The following PUM2 variants were observed in gnomAD, a reference collection of about 807,000 sequenced individuals.
PUM2 encodes pumilio RNA binding family member 2, also known as pumilio homolog 2.
A neutral mutation model predicts 124.5 loss-of-function variants in PUM2; 57 were observed. The ratio of observed to expected loss-of-function variants is 0.46; its 90% CI spans 0.37 to 0.57. The LOEUF (loss-of-function observed/expected upper bound fraction) is 0.57. PUM2 is among the 20% of genes least tolerant of loss of function. The pLI, the probability that PUM2 is intolerant of heterozygous loss-of-function variation, is 0.00. For missense variants in PUM2, 1,065 were observed against 1,290.6 expected (o/e 0.83, Z 2.68); for synonymous variants, 460 against 446.1 (o/e 1.03, Z -0.39).
Position 20,283,318 on chromosome 2 carries a change from T to C in PUM2, c.1435+25A>G, listed in dbSNP as rs1263413417. The C allele has an allele frequency of 3.1e-6, 5 of 1,612,018 alleles. No homozygotes were observed. The South Asian group carries it at 4.4e-5, about 14-fold the overall frequency. ...GTATCTCAACACCAGAAAAATATTA[T>C]CCTAAAAATGTCAGTTACACTTACC... On this transcript the variant is annotated intron_variant, in intron 11 of 20. Transcript: ENST00000361078.
chr2:20,273,649 A>T (rs1035305814), intron 13 of PUM2, among the ~76,000 whole-genome samples: 1 of 152,208 alleles, frequency 6.6e-6, no homozygotes, highest in Non-Finnish European at 1.5e-5. Context: ...CAGCAAATAA[A>T]TTACTTCTAG....
At position 20,254,877 on chromosome 2, in the gene PUM2, T is replaced by TTGAC; in HGVS notation, c.2852_2855dup (p.His953SerfsTer20). 6.2e-7 allele frequency: 1 copy of TTGAC among 1,613,340 alleles called. No homozygotes were observed. Among genetic ancestry groups the TTGAC allele is most frequent in the Non-Finnish European group, 8.5e-7 (1 of 1,179,784 alleles). The stretch of plus-strand genomic sequence containing the variant: ...TATTACAATACCTGGCAAATTTGTG[T>TTGAC]TGACTCAGGGCTAAAACCTTTCCCC... On this transcript the variant is annotated frameshift_variant, in exon 19 of 21. Coordinates refer to ENST00000361078, the MANE Select transcript of PUM2 (RefSeq NM_015317.5). LOFTEE classifies it high-confidence loss of function.
At position 20,249,329 on chromosome 2, in the gene PUM2, C is replaced by T. The variant is rs1306319981; in HGVS notation, c.*2256G>A. The T allele has an allele frequency of 3.3e-5, 5 of 152,336 alleles. No homozygotes were observed. The East Asian group carries it at 5.8e-4, about 18-fold the overall frequency. The allele number at this position is 152,336 out of a possible 1,614,324, so 9.4% of individuals were successfully genotyped here. A position where few individuals can be genotyped will look rare whatever the true frequency, so the allele number is the denominator to read the frequency against. The stretch of plus-strand genomic sequence containing the variant: ...CTGAGAACAAAAGTTCGATACGGGC[C>T]GAAATACTCTGAGGTTGGTAAAGTA... On this transcript the variant is annotated 3_prime_UTR_variant, in exon 21 of 21. Transcript: ENST00000361078.
At chr2:20,324,676 C>A (rs1318098328) in intron 2 of PUM2, among the ~76,000 whole-genome samples, 1 of 152,110 alleles carries the variant, frequency 6.6e-6, no homozygotes, top group Non-Finnish European at 1.5e-5. Flanking sequence ...GGTCTTTCGA[C>A]AGAAACATGC....
intron 1 of PUM2, among the ~76,000 whole-genome samples, chr2:20,331,381 G>A (rs1684875881): frequency 6.6e-6 from 1 of 152,132 alleles, no homozygotes; most frequent in East Asian, 1.9e-4. Context: ...TCAATCCCTT[G>A]GTTACTGTTA....
At chr2:20,317,788 A>C (rs1394529554) in intron 3 of PUM2, among the ~76,000 whole-genome samples, 1 of 151,988 alleles carries the variant, frequency 6.6e-6, no homozygotes, top group Non-Finnish European at 1.5e-5. Flanking sequence ...GAGAACATTC[A>C]GTATTTGGTT....
chr2:20,327,751 T>C (rs1684015675), intron 1 of PUM2, among the ~76,000 whole-genome samples: 1 of 152,092 alleles, frequency 6.6e-6, no homozygotes, highest in Non-Finnish European at 1.5e-5. Context: ...AAGGCCTAGA[T>C]GTGGAAGTAG....
intron 3 of PUM2, among the ~76,000 whole-genome samples, chr2:20,313,916 G>T (rs972239648): frequency 6.6e-6 from 1 of 151,672 alleles, no homozygotes; most frequent in Non-Finnish European, 1.5e-5. Flanking sequence ...ACTGAGGCGG[G>T]TGGACTGCTT....
Position 20,251,530 on chromosome 2 carries a change from A to G in PUM2, c.*55T>C. On this transcript the variant is annotated 3_prime_UTR_variant, in exon 21 of 21. Transcript: ENST00000361078. ...TGAGTTGTGTTTTGATAATTCACAC[A>G]CAAAAAAATTCTTTTCACATGGTTA... is the stretch of plus-strand genomic sequence containing the variant. 6.5e-7 allele frequency: 1 copy of G among 1,537,280 alleles called. No homozygotes were observed. The highest frequency in any genetic ancestry group is 8.8e-7 in the Non-Finnish European group (1 of 1,134,874).
At chr2:20,301,199 C>A (rs1417891801) in intron 7 of PUM2, among the ~76,000 whole-genome samples, 2 of 152,206 alleles carry the variant, frequency 1.3e-5, no homozygotes, top group African/African-American at 4.8e-5. Context: ...GCGACATGGG[C>A]ATGTCCTTAA....
At chr2:20,255,896 T>C in intron 17 of PUM2, 137 bp downstream of exon 17, 1 of 871,232 alleles carries the variant, frequency 1.1e-6, no homozygotes, top group Non-Finnish European at 1.6e-6. Context: ...AAGAAATTAA[T>C]GTACATTTAC....
intron 13 of PUM2, among the ~76,000 whole-genome samples, chr2:20,268,545 G>A (rs1185847185): frequency 6.6e-6 from 1 of 152,148 alleles, no homozygotes; most frequent in African/African-American, 2.4e-5. Context: ...TTGAACCCAG[G>A]AGGCGAAGGT....
chr2:20,295,015 A>G (rs973717077), intron 8 of PUM2, among the ~76,000 whole-genome samples: 2 of 152,248 alleles, frequency 1.3e-5, no homozygotes, highest in African/African-American at 4.8e-5. Flanking sequence ...AAATTTTAAA[A>G]TATTTTTCAT....
intron 10 of PUM2, among the ~76,000 whole-genome samples, chr2:20,287,061 T>C (rs1672917441): frequency 6.6e-6 from 1 of 152,018 alleles, no homozygotes; most frequent in African/African-American, 2.4e-5. Flanking sequence ...CAAAAAAACA[T>C]GGTCCTCGTA....
At chr2:20,296,467 C>G (rs565484693) in intron 8 of PUM2, among the ~76,000 whole-genome samples, 6 of 151,370 alleles carry the variant, frequency 4.0e-5, no homozygotes, top group Admixed American at 3.3e-4. Flanking sequence ...TGCACTCCAG[C>G]CTGGGCAACA....
chr2:20,340,809 T>C (rs1329117226), intron 1 of PUM2, among the ~76,000 whole-genome samples: 1 of 152,056 alleles, frequency 6.6e-6, no homozygotes, highest in Non-Finnish European at 1.5e-5. Context: ...GAAATCAGAA[T>C]CAAAAGACCA....
At chr2:20,261,422 A>AAAAAAAAAAAAAAAT (rs1666230432) in intron 14 of PUM2, among the ~76,000 whole-genome samples, 2 of 144,714 alleles carry the variant, frequency 1.4e-5, no homozygotes, top group Non-Finnish European at 3.0e-5. Context: ...AAAAAAAAAA[A>AAAAAAAAAAAAAAAT]GTGTAGTACA....
At chr2:20,339,895 AAAAATAATAAATAAAAG>A (rs1686896499) in intron 1 of PUM2, among the ~76,000 whole-genome samples, 1 of 152,222 alleles carries the variant, frequency 6.6e-6, no homozygotes, top group Non-Finnish European at 1.5e-5. Context: ...CTCCATCTCA[AAAAATAATAAATAAAAG>A]AAAAACACAG....
intron 13 of PUM2, among the ~76,000 whole-genome samples, chr2:20,274,765 T>C (rs1669799806): frequency 6.6e-6 from 1 of 151,600 alleles, no homozygotes; most frequent in Admixed American, 6.6e-5. Flanking sequence ...CACTGCTTTA[T>C]ACCTAGTAAG....
Sources: gnomAD v4.1 joint callset for allele counts (sites outside exome capture counted in the v4.1 genomes callset) on GRCh38, gnomAD v4.1.1 for gene constraint, MANE v1.5 for transcripts, NCBI Gene and HGNC (gene_info 2026-07-23, HGNC 2026-07-21) for gene names.